CD247: variants seen among roughly 807,000 people sequenced by gnomAD.
CD247 encodes the protein CD247 molecule, also known as T-cell surface glycoprotein CD3 zeta chain.
In CD247, 13 loss-of-function variants were observed where a neutral mutation model predicts 30.0. The observed-to-expected ratio is 0.43, with a 90% confidence interval of 0.28 to 0.69. The LOEUF (loss-of-function observed/expected upper bound fraction) is 0.69, where lower values mean the gene tolerates loss of function less well. CD247 is among the 30% of genes least tolerant of loss of function. CD247 has a pLI of 0.16. For missense variants in CD247, 193 were observed against 212.6 expected (o/e 0.91, Z 0.57); for synonymous variants, 72 against 80.0 (o/e 0.90, Z 0.53).
intron 1 of CD247, among the ~76,000 whole-genome samples, chr1:167,499,267 C>G (rs777039154): frequency 5.9e-5 from 9 of 152,150 alleles, no homozygotes; most frequent in Non-Finnish European, 1.2e-4. Flanking sequence ...CACAGAACAG[C>G]CTCCCTGGTG....
At chr1:167,508,709 C>T (rs1344756409) in intron 1 of CD247, among the ~76,000 whole-genome samples, 2 of 152,314 alleles carry the variant, frequency 1.3e-5, no homozygotes, top group East Asian at 3.9e-4. Context: ...TTGGCTGACT[C>T]AAAAGTCCTG....
intron 1 of CD247, among the ~76,000 whole-genome samples, chr1:167,472,062 G>T (rs1653556245): frequency 6.6e-6 from 1 of 151,934 alleles, no homozygotes; most frequent in Admixed American, 6.6e-5. Flanking sequence ...TCAAACTCCT[G>T]ACCTCAGGTG....
chr1:167,470,449 A>AT (rs946342229), intron 1 of CD247, among the ~76,000 whole-genome samples: 34 of 147,242 alleles, frequency 2.3e-4, no homozygotes, highest in African/African-American at 3.0e-4. Flanking sequence ...TGGGGGAAAT[A>AT]TTTTTTTTAT....
chr1:167,489,042 G>A (rs141456733), intron 1 of CD247, among the ~76,000 whole-genome samples: 66 of 152,214 alleles, frequency 4.3e-4, no homozygotes, highest in African/African-American at 1.3e-3. Context: ...GAAAGGCAGC[G>A]CCGAGAAGCA....
chr1:167,499,970 C>G (rs895715545), intron 1 of CD247, among the ~76,000 whole-genome samples: 5 of 152,218 alleles, frequency 3.3e-5, no homozygotes, highest in African/African-American at 1.2e-4. Context: ...CACCTGACGA[C>G]AATCACACAC....
intron 1 of CD247, among the ~76,000 whole-genome samples, chr1:167,507,513 G>A (rs949531233): frequency 1.3e-5 from 2 of 151,494 alleles, no homozygotes; most frequent in African/African-American, 4.9e-5. Flanking sequence ...CTTGAATGCT[G>A]CTATTAAATG....
chr1:167,444,726 T>G (rs1571520461), intron 1 of CD247, among the ~76,000 whole-genome samples: 1 of 152,194 alleles, frequency 6.6e-6, no homozygotes, highest in East Asian at 1.9e-4. Context: ...AGCCCTGCCT[T>G]CTGTAGAGAT....
At position 167,443,511 on chromosome 1, in the gene CD247, G is replaced by A. The variant is rs558758392; in HGVS notation, c.59-2744C>T. ...GGACTGCAGAGGAGATAACCGTGGC[G>A]ATTTATGGGACTGGTTGAGACTCAG... On this transcript the variant is annotated intron_variant, in intron 1 of 7. Coordinates refer to ENST00000362089, the MANE Select transcript of CD247 (RefSeq NM_198053.3). 3.2e-4 allele frequency among the ~76,000 whole-genome samples: 49 copies of A among 152,318 alleles called. 1 individual carries two copies. Among genetic ancestry groups the A allele is most frequent in the African/African-American group, 1.1e-3 (44 of 41,572 alleles).
At chr1:167,450,617 A>G (rs1415014540) in intron 1 of CD247, among the ~76,000 whole-genome samples, 8 of 152,228 alleles carry the variant, frequency 5.3e-5, no homozygotes, top group African/African-American at 1.9e-4. Flanking sequence ...CAGATTACTT[A>G]CAAACATATA....
At chr1:167,496,617 C>T (rs1280191941) in intron 1 of CD247, among the ~76,000 whole-genome samples, 1 of 152,074 alleles carries the variant, frequency 6.6e-6, no homozygotes, top group Non-Finnish European at 1.5e-5. Context: ...TCTGGCTGGG[C>T]CAAGAGAGAA....
At chr1:167,499,298 T>C (rs1245852286) in intron 1 of CD247, among the ~76,000 whole-genome samples, 5 of 152,222 alleles carry the variant, frequency 3.3e-5, no homozygotes, top group Admixed American at 6.5e-5. Context: ...CAGAGAATTA[T>C]CTGGCCCCAG....
intron 1 of CD247, among the ~76,000 whole-genome samples, chr1:167,473,678 C>T (rs1653628412): frequency 6.6e-6 from 1 of 152,216 alleles, no homozygotes; most frequent in Non-Finnish European, 1.5e-5. Context: ...TCACTGTGCT[C>T]TGCAAGATTA....
chr1:167,443,433 G>A (rs1651932165), intron 1 of CD247, among the ~76,000 whole-genome samples: 1 of 152,200 alleles, frequency 6.6e-6, no homozygotes, highest in Admixed American at 6.5e-5. Flanking sequence ...GCCTCTGGGG[G>A]ACAAGCCAGC....
In CD247 at chr1:167,430,990, G is replaced by T. The variant is rs2101982450; in HGVS notation, c.*691C>A. The T allele has an allele frequency of 2.5e-6, 1 of 402,390 alleles. No individual in the cohort carries two copies. Among genetic ancestry groups the T allele is most frequent in the Non-Finnish European group, 4.4e-6 (1 of 228,274 alleles). 24.9% of individuals were successfully genotyped at this position (402,390 alleles called of 1,614,324 possible). A position where few individuals can be genotyped will look rare whatever the true frequency, so the allele number is the denominator to read the frequency against. On this transcript the variant is annotated 3_prime_UTR_variant, in exon 8 of 8. Transcript: ENST00000362089. ...GCCACTTTGTGCACAGCTCATCAAG[G>T]TCAGTCTGTTCATCTTCTGGCCCCT... is the stretch of plus-strand genomic sequence containing the variant.
chr1:167,502,912 C>T (rs982959180), intron 1 of CD247, among the ~76,000 whole-genome samples: 1 of 152,156 alleles, frequency 6.6e-6, no homozygotes, highest in East Asian at 1.9e-4. Flanking sequence ...CCTGCAGACA[C>T]CTTGACTTTG....
intron 1 of CD247, among the ~76,000 whole-genome samples, chr1:167,501,498 C>G (rs1188276062): frequency 6.6e-6 from 1 of 152,174 alleles, no homozygotes; most frequent in East Asian, 1.9e-4. Context: ...TAACTTTTTT[C>G]TTAACTAAAA....
chr1:167,486,547 C>T (rs912547988), intron 1 of CD247, among the ~76,000 whole-genome samples: 14 of 152,370 alleles, frequency 9.2e-5, no homozygotes, highest in African/African-American at 2.9e-4. Context: ...GTCCAGGGCC[C>T]GCCTCGAGTT....
chr1:167,504,258 C>T (rs561093209), intron 1 of CD247, among the ~76,000 whole-genome samples: 75 of 152,260 alleles, frequency 4.9e-4, no homozygotes, highest in African/African-American at 1.7e-3. Context: ...TAAAACAAGC[C>T]CCGGCATCAC....
At chr1:167,469,833 G>A (rs1322421769) in intron 1 of CD247, among the ~76,000 whole-genome samples, 2 of 152,122 alleles carry the variant, frequency 1.3e-5, no homozygotes, top group East Asian at 3.8e-4. Flanking sequence ...AGAGAATCAA[G>A]ACTCAGGCCT....
Sources: allele counts gnomAD v4.1 joint callset (sites outside exome capture counted in the v4.1 genomes callset), GRCh38; gene constraint gnomAD v4.1.1; transcripts MANE v1.5; gene names NCBI Gene and HGNC (gene_info 2026-07-23, HGNC 2026-07-21).